GSK3B: variants seen among roughly 807,000 people sequenced by gnomAD.
The protein encoded by GSK3B is glycogen synthase kinase 3 beta, also known as glycogen synthase kinase-3 beta.
In GSK3B, 15 loss-of-function variants were observed where a neutral mutation model predicts 56.4. The ratio of observed to expected loss-of-function variants is 0.27; its 90% CI spans 0.18 to 0.41. The LOEUF (loss-of-function observed/expected upper bound fraction) is 0.41, where lower values mean the gene tolerates loss of function less well. Among genes scored for constraint, GSK3B ranks in the 10% least tolerant of loss-of-function variants. The pLI is 1.00. For synonymous variants in GSK3B, 181 were observed against 188.9 expected, an observed-to-expected ratio of 0.96 and a Z score of 0.34; for missense variants, 300 against 513.4, an observed-to-expected ratio of 0.58 and a Z score of 4.02.
chr3:119,967,581 G>A (rs1300020168), intron 2 of GSK3B, among the ~76,000 whole-genome samples: 1 of 152,060 alleles, frequency 6.6e-6, no homozygotes, highest in Non-Finnish European at 1.5e-5. Flanking sequence ...AGAGAATTCA[G>A]AGTCCAAAAA....
intron 1 of GSK3B, among the ~76,000 whole-genome samples, chr3:120,047,428 C>T (rs1041655793): frequency 1.1e-4 from 17 of 152,112 alleles, no homozygotes; most frequent in African/African-American, 3.4e-4. Context: ...TAACCAAAGA[C>T]GAACACACAC....
At chr3:119,895,949 AAAACCT>A (rs534621135) in intron 7 of GSK3B, among the ~76,000 whole-genome samples, 247 of 152,102 alleles carry the variant, frequency 1.6e-3, no homozygotes, top group African/African-American at 5.7e-3. Flanking sequence ...CAACATGGTG[AAAACCT>A]ATCTATAACA....
At chr3:120,006,338 A>T (rs1237116610) in intron 1 of GSK3B, among the ~76,000 whole-genome samples, 1 of 152,222 alleles carries the variant, frequency 6.6e-6, no homozygotes, top group East Asian at 1.9e-4. Context: ...CCCCACTGTC[A>T]ATATTAGACA....
At chr3:119,952,989 T>C (rs1472369202) in intron 2 of GSK3B, among the ~76,000 whole-genome samples, 6 of 152,120 alleles carry the variant, frequency 3.9e-5, no homozygotes, top group African/African-American at 1.4e-4. Flanking sequence ...TTAATTTCAT[T>C]AAAAGACAGA....
chr3:119,963,047 T>C (rs1390363239), intron 2 of GSK3B, among the ~76,000 whole-genome samples: 1 of 152,110 alleles, frequency 6.6e-6, no homozygotes, highest in East Asian at 1.9e-4. Context: ...GCCCCTGTTA[T>C]ACACCAACAA....
At chr3:119,859,738 C>T (rs181647694) in intron 9 of GSK3B, among the ~76,000 whole-genome samples, 49 of 152,240 alleles carry the variant, frequency 3.2e-4, no homozygotes, top group Non-Finnish European at 1.3e-4. Flanking sequence ...TCATCACCTG[C>T]TTTTCTCGTG....
chr3:119,853,440 C>A (rs1034281955), intron 9 of GSK3B, among the ~76,000 whole-genome samples: 5 of 152,066 alleles, frequency 3.3e-5, no homozygotes, highest in Admixed American at 6.6e-5. Context: ...TAAAGTAGTT[C>A]TTTCCATTTC....
intron 9 of GSK3B, 22 bp from the exon 10 acceptor site, chr3:119,843,375 A>G: frequency 2.3e-6 from 3 of 1,310,764 alleles, no homozygotes; most frequent in Non-Finnish European, 3.3e-6. Context: ...TAAGACACAA[A>G]TGTTAGAGTC....
intron 2 of GSK3B, among the ~76,000 whole-genome samples, chr3:119,973,549 C>T (rs1040699016): frequency 5.3e-5 from 8 of 152,182 alleles, no homozygotes; most frequent in African/African-American, 1.9e-4. Context: ...TGTCACAAGG[C>T]CTATGTCACT....
intron 1 of GSK3B, among the ~76,000 whole-genome samples, chr3:120,083,918 AAC>A (rs1205051328): frequency 1.3e-5 from 2 of 152,250 alleles, no homozygotes; most frequent in Non-Finnish European, 2.9e-5. Context: ...AAATGTCCAG[AAC>A]AGGCAAATCT....
At chr3:119,978,160 T>C (rs1238692675) in intron 2 of GSK3B, among the ~76,000 whole-genome samples, 2 of 152,092 alleles carry the variant, frequency 1.3e-5, no homozygotes, top group African/African-American at 4.8e-5. Flanking sequence ...AGCATGACCA[T>C]AAACCACAAA....
chr3:119,907,534 T>C (rs1053646419), intron 6 of GSK3B, among the ~76,000 whole-genome samples: 1 of 152,100 alleles, frequency 6.6e-6, no homozygotes, highest in Admixed American at 6.6e-5. Context: ...CTGCTCTTAC[T>C]TCAAAGGACA....
chr3:120,056,590 T>C (rs2058193075), intron 1 of GSK3B, among the ~76,000 whole-genome samples: 1 of 152,130 alleles, frequency 6.6e-6, no homozygotes, highest in Admixed American at 6.5e-5. Context: ...TTGCCCCACC[T>C]TGGCCTCCCA....
intron 1 of GSK3B, among the ~76,000 whole-genome samples, chr3:120,039,239 T>A (rs2058046769): frequency 6.6e-6 from 1 of 152,230 alleles, no homozygotes; most frequent in Admixed American, 6.5e-5. Flanking sequence ...CACTCACTGT[T>A]TGCAGAAATG....
chr3:119,928,592 G>A (rs569041923), intron 3 of GSK3B, among the ~76,000 whole-genome samples: 4 of 121,800 alleles, frequency 3.3e-5, no homozygotes, highest in East Asian at 2.7e-4. Flanking sequence ...GAGATAGAGC[G>A]AGACTCCATA....
Position 119,825,726 on chromosome 3 carries a change from G to A in GSK3B, c.*1062C>T, listed in dbSNP as rs2055493734. 4.4e-6 allele frequency: 1 copy of A among 224,826 alleles called. No individual in the cohort carries two copies. The allele number at this position is 224,826 out of a possible 1,614,324, so 13.9% of individuals were successfully genotyped here. ...GTGTAGAATGTGGCTATTTCTGCAA[G>A]CTCAATTTTCAATTAAAAAATATGA... On this transcript the variant is annotated 3_prime_UTR_variant, in exon 11 of 11. Coordinates refer to ENST00000264235, the MANE Select transcript of GSK3B (RefSeq NM_001146156.2).
At chr3:119,924,370 A>C (rs960883918) in intron 3 of GSK3B, among the ~76,000 whole-genome samples, 2 of 152,224 alleles carry the variant, frequency 1.3e-5, no homozygotes, top group African/African-American at 4.8e-5. Context: ...TGGATAAACA[A>C]ACTTTCACAA....
Position 119,870,125 on chromosome 3 carries a change from C to G in GSK3B, c.909+6288G>C, listed in dbSNP as rs1344917724. 2.0e-5 allele frequency among the ~76,000 whole-genome samples: 3 copies of G among 152,348 alleles called. No individual in the cohort carries two copies. The East Asian group carries it at 5.8e-4, about 29-fold the overall frequency. ...GGCAAATCTTAAACCTCCCCTTCAA[C>G]ATCCCACCTCATGTATTATCCCTAA... On this transcript the variant is annotated intron_variant, in intron 8 of 10. Transcript: ENST00000264235.
intron 2 of GSK3B, 145 bp from the exon 3 acceptor site, chr3:119,947,496 T>C (rs998591822): frequency 1.6e-6 from 1 of 608,802 alleles, no homozygotes; most frequent in Non-Finnish European, 2.9e-6. Context: ...AGACTGGTTC[T>C]GATCTGCAAA....
Sources: gnomAD v4.1 joint callset for allele counts (sites outside exome capture counted in the v4.1 genomes callset) on GRCh38, gnomAD v4.1.1 for gene constraint, MANE v1.5 for transcripts, NCBI Gene and HGNC (gene_info 2026-07-23, HGNC 2026-07-21) for gene names.